The following PLK4 variants were observed in gnomAD, a reference collection of about 807,000 sequenced individuals.
The protein encoded by PLK4 is serine/threonine-protein kinase PLK4.
PLK4 carries 51 observed loss-of-function variants against 103.0 expected under a neutral mutation model. That is an observed-to-expected ratio of 0.50 (90% CI 0.40 to 0.63). The LOEUF (loss-of-function observed/expected upper bound fraction) is 0.63, where lower values mean the gene tolerates loss of function less well. PLK4 is among the 20% of genes least tolerant of loss of function. The probability of loss-of-function intolerance (pLI) is 0.00; values close to 1 mark genes in which losing one functional copy is unlikely to be tolerated. For missense variants in PLK4, 1,054 were observed against 1,151.0 expected, an observed-to-expected ratio of 0.92 and a Z score of 1.22; for synonymous variants, 389 against 376.8, an observed-to-expected ratio of 1.03 and a Z score of -0.38.
chr4:127,897,369 A>G (rs1411480149), intron 15 of PLK4, among the ~76,000 whole-genome samples: 2 of 152,248 alleles, frequency 1.3e-5, no homozygotes, highest in African/African-American at 4.8e-5. Context: ...TATTCATTCT[A>G]TATGAAAATA....
rs764842905 is a variant in PLK4, at chr4:127,895,004, A to G, written c.2614A>G (p.Ile872Val). The change falls in exon 14 of 16, where the codon ATC becomes GTC. Residue 872 changes from isoleucine to valine, a missense_variant. Physicochemically the swap from Ile to Val is conservative, Grantham distance 29. Around this residue, in one of 4 missense-constraint regions of PLK4, gnomAD observed 167 missense variants for 200.7 expected, o/e 0.83. Coordinates refer to ENST00000270861, the MANE Select transcript of PLK4 (RefSeq NM_014264.5). Reference protein sequence around the residue: ...GLTTTASGTDISSNSLKDCLP... With the variant: ...GLTTTASGTDVSSNSLKDCLP... ...TACAACTACAGCTTCTGGAACAGACATCTCTTCTAATAGTCTAAAAGATTG... is the reference window on the plus strand; with the variant it reads ...TACAACTACAGCTTCTGGAACAGACGTCTCTTCTAATAGTCTAAAAGATTG... 3.6e-5 allele frequency: 58 copies of G among 1,604,712 alleles called. 1 individual carries two copies. The South Asian group carries it at 5.6e-4, about 16-fold the overall frequency.
At chr4:127,894,745 C>G (rs1408004227) in intron 13 of PLK4, among the ~76,000 whole-genome samples, 1 of 152,004 alleles carries the variant, frequency 6.6e-6, no homozygotes, top group Non-Finnish European at 1.5e-5. Flanking sequence ...AAGAAATCCA[C>G]CAAAATGAAA....
At position 127,885,942 on chromosome 4, in the gene PLK4, A is replaced by C. The variant is rs1294987486; in HGVS notation, c.572A>C (p.Glu191Ala). ...EIATRSAHGL[E>A]SDVWSLGCMF... ...GCCACTCGAAGTGCACATGGCCTTGAATCTGATGTTTGGTCCCTGGGCTGT... is the reference window on the plus strand; with the variant it reads ...GCCACTCGAAGTGCACATGGCCTTGCATCTGATGTTTGGTCCCTGGGCTGT... Residue 191 changes from glutamate (E) to alanine (A), a missense_variant, in exon 5 of 16, where the codon GAA (glutamate) becomes GCA (alanine). By Grantham distance (107) the Glu-to-Ala change is moderately radical. Around this residue, in one of 4 missense-constraint regions of PLK4, gnomAD observed 199 missense variants for 270.1 expected, o/e 0.74. Coordinates refer to ENST00000270861, the MANE Select transcript of PLK4 (RefSeq NM_014264.5). 2 of 1,614,228 alleles carry C rather than the reference A, an allele frequency of 1.2e-6. No individual in the cohort carries two copies. Among genetic ancestry groups the C allele is most frequent in the Non-Finnish European group, 1.7e-6 (2 of 1,180,028 alleles).
Position 127,890,205 on chromosome 4 carries a change from A to C in PLK4, c.1799A>C (p.Lys600Thr). The stretch of plus-strand genomic sequence containing the variant: ...TCTCCGTTGGTTGCTCACAGGTTAA[A>C]ACCAATCAGACAGAAAACCAAAAAG... ...ITSPLVAHRLKPIRQKTKKAV... is the reference protein window; with the variant it reads ...ITSPLVAHRLTPIRQKTKKAV... The change falls in exon 7 of 16, where the codon AAA (lysine) becomes ACA (threonine). Residue 600 changes from lysine to threonine, a missense_variant. By Grantham distance (78) the Lys-to-Thr change is moderately conservative. Around this residue, in one of 4 missense-constraint regions of PLK4, gnomAD observed 680 missense variants for 660.3 expected, o/e 1.03. Coordinates refer to ENST00000270861, the MANE Select transcript of PLK4 (RefSeq NM_014264.5). 6.2e-7 allele frequency: 1 copy of C among 1,608,806 alleles called. No individual in the cohort carries two copies. Among genetic ancestry groups the C allele is most frequent in the African/African-American group, 1.3e-5 (1 of 74,780 alleles).
At position 127,893,722 on chromosome 4, in the gene PLK4, T is replaced by C. The variant is rs371509362; in HGVS notation, c.2415-12T>C. On this transcript the variant is annotated splice_polypyrimidine_tract_variant and intron_variant, in intron 12 of 15. Transcript: ENST00000270861. ...AGCTTCAAGGGAATATATTTGGACTTTTCCCCTTCAGAAAACCTGGTAGTA... is the reference window on the plus strand; with the variant it reads ...AGCTTCAAGGGAATATATTTGGACTCTTCCCCTTCAGAAAACCTGGTAGTA... 29 of 1,605,000 alleles carry C rather than the reference T, an allele frequency of 1.8e-5. No individual in the cohort carries two copies. The African/African-American group carries it at 3.8e-4, about 21-fold the overall frequency.
Position 127,889,906 on chromosome 4 carries a change from A to C in PLK4, c.1500A>C (p.Pro500=). 1.2e-6 allele frequency: 2 copies of C among 1,612,674 alleles called. No individual in the cohort carries two copies. Among genetic ancestry groups the C allele is most frequent in the Non-Finnish European group, 1.7e-6 (2 of 1,179,418 alleles). ...CTACTGAATATGACAGCATCAGCCC[A>C]AACCGGGACTTCCAGGGCCATCCAG... The part of the protein sequence containing the change: ...RKTTEYDSIS[P]NRDFQGHPDL... Residue 500 remains proline, a synonymous_variant, in exon 7 of 16, where the codon CCA becomes CCC. Transcript: ENST00000270861.
At chr4:127,882,125 A>C (rs1296488588) in intron 2 of PLK4, among the ~76,000 whole-genome samples, 199 bp downstream of exon 2, 1 of 152,206 alleles carries the variant, frequency 6.6e-6, no homozygotes, top group African/African-American at 2.4e-5. Flanking sequence ...TTGCTTAAGT[A>C]AGTTTTATCT....
At position 127,898,715 on chromosome 4, in the gene PLK4, CACTT is replaced by C; in HGVS notation, c.*178_*181del. ...GAACAAAGCAGAATGAAACTTGAGT[CACTT>C]ACTAAATATAGTGGATATAAAATAG... On this transcript the variant is annotated 3_prime_UTR_variant, in exon 16 of 16. Transcript: ENST00000270861. 1.9e-6 allele frequency: 1 copy of C among 514,740 alleles called. No individual in the cohort carries two copies. Among genetic ancestry groups the C allele is most frequent in the Non-Finnish European group, 3.4e-6 (1 of 294,314 alleles). The allele number at this position is 514,740 out of a possible 1,614,324, so 31.9% of individuals were successfully genotyped here.
At chr4:127,889,839 A>G in intron 6 of PLK4, 27 bp from the exon 7 acceptor site, 2 of 1,485,372 alleles carry the variant, frequency 1.3e-6, no homozygotes, top group Middle Eastern at 3.6e-4. Context: ...TTATTTACTA[A>G]ATTGCTTCAT....
chr4:127,886,048 A>C lies in PLK4; in HGVS notation c.678A>C (p.Ala226=), dbSNP rs1735111552. The stretch of plus-strand genomic sequence containing the variant: ...ACACATTAAATAAAGTAGTATTGGC[A>C]GATTATGAAATGCCATCTTTTTTGT... ...VKNTLNKVVL[A]DYEMPSFLSI... The change falls in exon 5 of 16, where the codon GCA becomes GCC. Residue 226 remains alanine, a synonymous_variant. Transcript: ENST00000270861. 6.2e-7 allele frequency: 1 copy of C among 1,613,886 alleles called. No individual in the cohort carries two copies. The highest frequency in any genetic ancestry group is 8.5e-7 in the Non-Finnish European group (1 of 1,179,832).
intron 8 of PLK4, 105 bp downstream of exon 8, chr4:127,891,301 T>A: frequency 1.7e-6 from 1 of 578,244 alleles, no homozygotes; most frequent in South Asian, 3.3e-5. Flanking sequence ...AAAATCAGTT[T>A]GCCAGTATGA....
chr4:127,895,448 CTT>C (rs1450219933), intron 14 of PLK4, among the ~76,000 whole-genome samples: 1 of 75,282 alleles, frequency 1.3e-5, no homozygotes, highest in Non-Finnish European at 2.5e-5. Flanking sequence ...AGTAGAGTAA[CTT>C]TCTTTTTTTT....
chr4:127,886,617 A>C lies in PLK4; in HGVS notation c.1247A>C (p.Asn416Thr). 6.2e-7 allele frequency: 1 copy of C among 1,613,908 alleles called. No homozygotes were observed. The highest frequency in any genetic ancestry group is 8.5e-7 in the Non-Finnish European group (1 of 1,179,756). The change falls in exon 5 of 16, where the codon AAT becomes ACT. Residue 416 changes from asparagine (N) to threonine (T), a missense_variant. Physicochemically the swap from Asn to Thr is moderately conservative, Grantham distance 65. Coordinates refer to ENST00000270861, the MANE Select transcript of PLK4 (RefSeq NM_014264.5). ...TCCAAAAGATCAGGAGGAGGTGAAA[A>C]TGAAGAGAGGTACTCACCCACAGAC... is the stretch of plus-strand genomic sequence containing the variant. Reference protein sequence around the residue: ...SVSKRSGGGENEERYSPTDNN... With the variant: ...SVSKRSGGGETEERYSPTDNN...
intron 8 of PLK4, 47 bp downstream of exon 8, chr4:127,891,243 A>G (rs773750965): frequency 1.1e-5 from 11 of 966,888 alleles, no homozygotes; most frequent in Non-Finnish European, 1.8e-5. Flanking sequence ...ATTATCGTTT[A>G]AGCACGTTTA....
In PLK4 at chr4:127,892,350, A is replaced by ATT; in HGVS notation, c.2039-8_2039-7dup. The stretch of plus-strand genomic sequence containing the variant: ...AACACTTTCTTCCCTAATGTTAAGT[A>ATT]TTTTTTTTCCTTAGAAAAATACTGG... On this transcript the variant is annotated splice_polypyrimidine_tract_variant and intron_variant, in intron 9 of 15. Transcript: ENST00000270861. The ATT allele has an allele frequency of 6.6e-7, 1 of 1,524,206 alleles. No individual in the cohort carries two copies. Among genetic ancestry groups the ATT allele is most frequent in the Non-Finnish European group, 8.9e-7 (1 of 1,124,690 alleles). 94.4% of individuals were successfully genotyped at this position (1,524,206 alleles called of 1,614,324 possible). A position where few individuals can be genotyped will look rare whatever the true frequency, so the allele number is the denominator to read the frequency against.
In PLK4 at chr4:127,883,480, AT is replaced by A; in HGVS notation, c.266del (p.Leu89Ter). On this transcript the variant is annotated frameshift_variant, in exon 4 of 16. Transcript: ENST00000270861. LOFTEE classifies it high-confidence loss of function. Reference sequence around the variant, plus strand: ...AAGATAGCAATTATGTGTATCTGGTATTAGAAATGTGCCATAATGGAGAAAT... The same window carrying A: ...AAGATAGCAATTATGTGTATCTGGTATAGAAATGTGCCATAATGGAGAAAT... ...FEDSNYVYLV[L>X]EMCHNGEMNR... 6.5e-7 allele frequency: 1 copy of A among 1,541,376 alleles called. No individual in the cohort carries two copies. Among genetic ancestry groups the A allele is most frequent in the Non-Finnish European group, 9.0e-7 (1 of 1,114,536 alleles).
In PLK4 at chr4:127,898,725, A is replaced by C; in HGVS notation, c.*184A>C. On this transcript the variant is annotated 3_prime_UTR_variant, in exon 16 of 16. Transcript: ENST00000270861. ...GAATGAAACTTGAGTCACTTACTAAATATAGTGGATATAAAATAGAACACC... is the reference window on the plus strand; with the variant it reads ...GAATGAAACTTGAGTCACTTACTAACTATAGTGGATATAAAATAGAACACC... 2.0e-6 allele frequency: 1 copy of C among 488,324 alleles called. No homozygotes were observed. The highest frequency in any genetic ancestry group is 3.3e-5 in the East Asian group (1 of 29,946). 30.2% of individuals were successfully genotyped at this position (488,324 alleles called of 1,614,324 possible). A position where few individuals can be genotyped will look rare whatever the true frequency, so the allele number is the denominator to read the frequency against.
chr4:127,896,279 G>A (rs537209360), intron 14 of PLK4, among the ~76,000 whole-genome samples: 14 of 152,248 alleles, frequency 9.2e-5, no homozygotes, highest in African/African-American at 2.4e-4. Flanking sequence ...TTGATTTGGC[G>A]TCCATGTACT....
chr4:127,887,515 AT>A lies in PLK4; in HGVS notation c.1459+22del. On this transcript the variant is annotated intron_variant, in intron 6 of 15. Transcript: ENST00000270861. Reference sequence around the variant, plus strand: ...ATAAATGGTGAGTTTTTAATGGAGTATTTAATCAAGAATTAATTACTTGGAA... The same window carrying A: ...ATAAATGGTGAGTTTTTAATGGAGTATTAATCAAGAATTAATTACTTGGAA... 7.5e-7 allele frequency: 1 copy of A among 1,337,174 alleles called. No homozygotes were observed. Among genetic ancestry groups the A allele is most frequent in the Non-Finnish European group, 1.1e-6 (1 of 940,442 alleles). The allele number at this position is 1,337,174 out of a possible 1,614,324, so 82.8% of individuals were successfully genotyped here. A position where few individuals can be genotyped will look rare whatever the true frequency, so the allele number is the denominator to read the frequency against.
Sources: gnomAD v4.1 joint callset for allele counts (sites outside exome capture counted in the v4.1 genomes callset) on GRCh38, gnomAD v4.1.1 for gene constraint, gnomAD v4.1.1 regional missense constraint, MANE v1.5 for transcripts, NCBI Gene and HGNC (gene_info 2026-07-23, HGNC 2026-07-21) for gene names.